Variants in NRXN1 observed in about 807,000 individuals in gnomAD.
NRXN1 encodes neurexin 1.
In NRXN1, 39 loss-of-function variants were observed where a neutral mutation model predicts 150.9. That is an observed-to-expected ratio of 0.26 (90% CI 0.20 to 0.34). NRXN1 has a LOEUF of 0.34. NRXN1 is among the 10% of genes least tolerant of loss of function. The pLI, the probability that NRXN1 is intolerant of heterozygous loss-of-function variation, is 1.00. For missense variants in NRXN1, 1,815 were observed against 1,949.9 expected, an observed-to-expected ratio of 0.93 and a Z score of 1.30; for synonymous variants, 924 against 757.0, an observed-to-expected ratio of 1.22 and a Z score of -3.62.
At chr2:50,604,322 AT>A (rs1676751490) in intron 8 of NRXN1, among the ~76,000 whole-genome samples, 1 of 152,198 alleles carries the variant, frequency 6.6e-6, no homozygotes, top group South Asian at 2.1e-4. Flanking sequence ...CAAGGGGGAC[AT>A]GAAGCTGCAG....
intron 21 of NRXN1, among the ~76,000 whole-genome samples, chr2:50,046,686 G>A (rs943758091): frequency 6.6e-5 from 10 of 152,134 alleles, no homozygotes; most frequent in Non-Finnish European, 1.2e-4. Context: ...TGAGGTCTAA[G>A]TAACTCACAG....
chr2:51,016,421 AC>A (rs1311954762), intron 2 of NRXN1, among the ~76,000 whole-genome samples: 4 of 152,108 alleles, frequency 2.6e-5, no homozygotes, highest in African/African-American at 7.2e-5. Context: ...GAACAAAACA[AC>A]CCCATCAAGA....
intron 18 of NRXN1, among the ~76,000 whole-genome samples, chr2:50,192,085 T>C (rs1327156105): frequency 6.6e-6 from 1 of 152,154 alleles, no homozygotes; most frequent in East Asian, 1.9e-4. Flanking sequence ...GTTCTAAAAA[T>C]ATTATATATC....
At chr2:50,940,065 TA>T (rs1283601208) in intron 2 of NRXN1, among the ~76,000 whole-genome samples, 1 of 152,164 alleles carries the variant, frequency 6.6e-6, no homozygotes, top group African/African-American at 2.4e-5. Context: ...GAAATAGAAT[TA>T]TTTCCTATTT....
chr2:50,925,856 A>G (rs1362548524), intron 3 of NRXN1, 82 bp downstream of exon 3: 13 of 1,069,696 alleles, frequency 1.2e-5, no homozygotes, highest in Non-Finnish European at 1.5e-5. Context: ...TCAACTTACC[A>G]TCTAACTTCA....
intron 21 of NRXN1, among the ~76,000 whole-genome samples, chr2:50,020,130 A>G (rs1687347021): frequency 6.6e-6 from 1 of 152,046 alleles, no homozygotes. Context: ...CTCATTTTAC[A>G]CTCAAAACTC....
At chr2:50,641,382 G>A (rs1400325844) in intron 5 of NRXN1, among the ~76,000 whole-genome samples, 1 of 152,104 alleles carries the variant, frequency 6.6e-6, no homozygotes, top group East Asian at 1.9e-4. Context: ...GAAAATGGAA[G>A]AGTGGGCAGG....
intron 5 of NRXN1, among the ~76,000 whole-genome samples, chr2:50,817,398 G>A (rs1669087171): frequency 6.6e-6 from 1 of 151,762 alleles, no homozygotes; most frequent in Non-Finnish European, 1.5e-5. Flanking sequence ...AGATGAGATG[G>A]TTGCACTGGA....
At chr2:50,606,530 G>A (rs919700413) in intron 8 of NRXN1, among the ~76,000 whole-genome samples, 15 of 151,296 alleles carry the variant, frequency 9.9e-5, no homozygotes, top group African/African-American at 3.6e-4. Context: ...GTATAACATT[G>A]TGCCTCTACA....
chr2:50,184,717 T>C (rs1198636184), intron 18 of NRXN1, among the ~76,000 whole-genome samples: 1 of 151,122 alleles, frequency 6.6e-6, no homozygotes, highest in East Asian at 1.9e-4. Context: ...TCTCTCTGTC[T>C]CTCTCAATCT....
At chr2:50,651,492 G>GACATA (rs1685616122) in intron 5 of NRXN1, among the ~76,000 whole-genome samples, 1 of 148,752 alleles carries the variant, frequency 6.7e-6, no homozygotes, top group South Asian at 2.1e-4. Flanking sequence ...GACATGACAT[G>GACATA]ACATGACATG....
chr2:50,226,540 T>C (rs376875103), intron 18 of NRXN1, among the ~76,000 whole-genome samples: 10 of 151,818 alleles, frequency 6.6e-5, no homozygotes, highest in Non-Finnish European at 7.4e-5. Context: ...GGGGAGAAAA[T>C]TTTGTTAAGA....
At chr2:50,582,283 A>C (rs888142571) in intron 8 of NRXN1, among the ~76,000 whole-genome samples, 1 of 151,950 alleles carries the variant, frequency 6.6e-6, no homozygotes, top group Non-Finnish European at 1.5e-5. Flanking sequence ...TAATCCCAGC[A>C]CTTTGAGAGG....
chr2:50,477,682 A>G, intron 15 of NRXN1, among the ~76,000 whole-genome samples: 1 of 152,194 alleles, frequency 6.6e-6, no homozygotes, highest in East Asian at 1.9e-4. Flanking sequence ...TAATTTTTTT[A>G]AAAAGCATAC....
intron 17 of NRXN1, among the ~76,000 whole-genome samples, chr2:50,276,194 C>T (rs1411315911): frequency 2.6e-5 from 4 of 151,992 alleles, no homozygotes; most frequent in African/African-American, 2.4e-5. Context: ...GTTTCTTTAG[C>T]TTAATTTTTT....
chr2:50,241,159 A>G (rs1439926775), intron 17 of NRXN1, among the ~76,000 whole-genome samples: 1 of 151,614 alleles, frequency 6.6e-6, no homozygotes, highest in Non-Finnish European at 1.5e-5. Context: ...TTTCATGAGA[A>G]AAAGAATATT....
intron 8 of NRXN1, among the ~76,000 whole-genome samples, chr2:50,598,611 CAT>C (rs534822001): frequency 2.1e-5 from 3 of 142,594 alleles, no homozygotes; most frequent in South Asian, 2.2e-4. Flanking sequence ...TGTATATATA[CAT>C]ATATATACAT....
intron 21 of NRXN1, among the ~76,000 whole-genome samples, chr2:49,998,967 C>G (rs1392739092): frequency 6.6e-6 from 1 of 152,242 alleles, no homozygotes; most frequent in East Asian, 1.9e-4. Flanking sequence ...TGTGCCAAAG[C>G]TCAGGCAAAT....
At chr2:50,609,259 AG>A (rs1228275245) in intron 8 of NRXN1, among the ~76,000 whole-genome samples, 1 of 152,180 alleles carries the variant, frequency 6.6e-6, no homozygotes, top group Non-Finnish European at 1.5e-5. Flanking sequence ...ACATATTTGT[AG>A]GGGTCAGTGT....
Sources: gnomAD v4.1 joint callset for allele counts (sites outside exome capture counted in the v4.1 genomes callset) on GRCh38, gnomAD v4.1.1 for gene constraint, MANE v1.5 for transcripts, NCBI Gene and HGNC (gene_info 2026-07-23, HGNC 2026-07-21) for gene names.